PRH1: variants seen among roughly 807,000 people sequenced by gnomAD.
The protein encoded by PRH1 is proline rich protein HaeIII subfamily 1.
Under a neutral mutation model 7.9 loss-of-function variants are expected in PRH1, and 7 were observed. The observed-to-expected ratio is 0.89, with a 90% CI of 0.50 to 1.67. The LOEUF is 1.67. Ranked by LOEUF, PRH1 falls within the 40% of genes most tolerant of loss-of-function variation. The probability of loss-of-function intolerance (pLI) is 0.00; values close to 1 mark genes in which losing one functional copy is unlikely to be tolerated. For missense variants in PRH1, 109 were observed against 223.6 expected (o/e 0.49, Z 3.27); for synonymous variants, 45 against 80.8 (o/e 0.56, Z 2.38).
intron 1 of PRH1, among the ~76,000 whole-genome samples, chr12:11,071,917 G>C (rs1197193965): frequency 2.0e-5 from 3 of 152,122 alleles, no homozygotes; most frequent in Admixed American, 2.0e-4. Flanking sequence ...CTGCTCCAAA[G>C]GTGAAGTGGT....
At chr12:11,134,722 C>G (rs1472506912) in intron 1 of PRH1, 1 of 158,996 alleles carries the variant, frequency 6.3e-6, no homozygotes, top group Non-Finnish European at 1.4e-5. Flanking sequence ...GGAGCTTGAT[C>G]ATAACTAAGA....
At chr12:10,955,627 TC>T (rs1219165814) in intron 2 of PRH1, among the ~76,000 whole-genome samples, 1 of 139,406 alleles carries the variant, frequency 7.2e-6, no homozygotes, top group African/African-American at 2.7e-5. Flanking sequence ...ATACAAAAGG[TC>T]AGTGAATCCA....
intron 1 of PRH1, among the ~76,000 whole-genome samples, chr12:11,067,598 A>C (rs1318730658): frequency 1.3e-5 from 2 of 152,234 alleles, no homozygotes; most frequent in Non-Finnish European, 2.9e-5. Context: ...CTAGTGGCTC[A>C]CATCTGTAAT....
intron 2 of PRH1, among the ~76,000 whole-genome samples, chr12:10,960,252 T>C (rs1222474811): frequency 6.6e-6 from 1 of 152,228 alleles, no homozygotes; most frequent in East Asian, 1.9e-4. Flanking sequence ...TTCTCAGGAC[T>C]GAGCCAATTC....
chr12:11,136,727 T>G (rs1430181669), intron 1 of PRH1, among the ~76,000 whole-genome samples: 1 of 152,176 alleles, frequency 6.6e-6, no homozygotes, highest in East Asian at 1.9e-4. Flanking sequence ...CAACTTAATA[T>G]TTTCAATAAG....
At chr12:11,113,494 G>C (rs1945647907) in intron 1 of PRH1, among the ~76,000 whole-genome samples, 1 of 152,088 alleles carries the variant, frequency 6.6e-6, no homozygotes, top group African/African-American at 2.4e-5. Context: ...AATGGTGTTG[G>C]GCAAACTGGC....
chr12:11,160,860 T>A (rs2136453525), intron 1 of PRH1, among the ~76,000 whole-genome samples: 1 of 152,318 alleles, frequency 6.6e-6, no homozygotes, highest in Non-Finnish European at 1.5e-5. Flanking sequence ...AAAAGTGACA[T>A]AAACAAGCTA....
chr12:10,983,353 T>C (rs1275546511), intron 1 of PRH1, among the ~76,000 whole-genome samples: 6 of 152,224 alleles, frequency 3.9e-5, no homozygotes, highest in African/African-American at 1.4e-4. Context: ...CCAGCCATGA[T>C]TGGAGGGCAT....
At chr12:10,933,774 A>G (rs977360175) in intron 2 of PRH1, among the ~76,000 whole-genome samples, 11 of 152,130 alleles carry the variant, frequency 7.2e-5, no homozygotes, top group Non-Finnish European at 1.0e-4. Context: ...ACCCTGAAAA[A>G]TTATCTAATA....
chr12:11,003,345 T>C (rs1042776576), intron 1 of PRH1, among the ~76,000 whole-genome samples: 4 of 151,552 alleles, frequency 2.6e-5, no homozygotes, highest in Non-Finnish European at 5.9e-5. Context: ...CAATAAAACC[T>C]AAATGCACAG....
At chr12:10,909,980 T>C (rs530390148) in intron 2 of PRH1, among the ~76,000 whole-genome samples, 56 of 152,284 alleles carry the variant, frequency 3.7e-4, no homozygotes, top group African/African-American at 1.3e-3. Flanking sequence ...TGCCTTCACA[T>C]TTTATCCGCT....
intron 1 of PRH1, among the ~76,000 whole-genome samples, chr12:10,975,750 G>GAAA (rs71051551): frequency 1.6e-3 from 234 of 145,190 alleles, no homozygotes; most frequent in African/African-American, 3.3e-3. Context: ...ATAAAAAATA[G>GAAA]AAAAAAAAAA....
rs35700031 is a variant in PRH1 at position 11,161,390 on chromosome 12, T to C, written n.39+10032A>G. ...GGAGAATTTGTTTAGAGGATTTGGA[T>C]AGTGAAGGAACAGATCTTGGAGACT... On this transcript the variant is annotated intron_variant and non_coding_transcript_variant, in intron 1 of 1. Transcript: ENST00000541175. 4.3e-3 allele frequency among the ~76,000 whole-genome samples: 662 copies of C among 152,322 alleles called. 5 individuals carry two copies. The highest frequency in any genetic ancestry group is 0.015 in the African/African-American group (635 of 41,560).
intron 1 of PRH1, among the ~76,000 whole-genome samples, chr12:11,014,627 C>G (rs10845289): frequency 6.6e-6 from 1 of 151,978 alleles, no homozygotes; most frequent in Non-Finnish European, 1.5e-5. Context: ...AACCTGTTGT[C>G]AGGACTGAGC....
intron 1 of PRH1, among the ~76,000 whole-genome samples, chr12:11,168,256 GAAA>G (rs1565725170): frequency 0.01 from 316 of 30,362 alleles, 68 homozygotes; most frequent in Middle Eastern, 0.026. Flanking sequence ...AAGAAAGAAA[GAAA>G]GAAAGAAAGA....
In PRH1 at chr12:11,010,044, T is replaced by A. The variant is rs188215759; in HGVS notation, c.-125-36323A>T. Among the ~76,000 whole-genome samples, 27 of 152,054 alleles carry A rather than the reference T, an allele frequency of 1.8e-4. No homozygotes were observed. In the East Asian group the frequency reaches 5.2e-3, roughly 29 times the overall value. On this transcript the variant is annotated intron_variant, in intron 1 of 3. Coordinates refer to the PRH1 transcript ENST00000539853. ...TTTAATTGCCTTTCTAATTAAGGAATTTTATTTACACTAAAATCAAACTCT... is the reference window on the plus strand; with the variant it reads ...TTTAATTGCCTTTCTAATTAAGGAAATTTATTTACACTAAAATCAAACTCT...
chr12:10,885,849 C>G (rs186719982), upstream of PRH1, among the ~76,000 whole-genome samples: 3 of 152,310 alleles, frequency 2.0e-5, no homozygotes, highest in East Asian at 5.8e-4. Flanking sequence ...AGGCCCTAGA[C>G]AGGTGTGCAT....
At position 10,972,483 on chromosome 12, in the gene PRH1, GTTCT is replaced by G. The variant is rs71051550; in HGVS notation, c.-59+1168_-59+1171del. 2.6e-3 allele frequency among the ~76,000 whole-genome samples: 394 copies of G among 152,178 alleles called. 1 individual carries two copies. The highest frequency in any genetic ancestry group is 3.8e-3 in the Non-Finnish European group (261 of 67,994). On this transcript the variant is annotated intron_variant, in intron 2 of 3. Transcript: ENST00000539853. ...TCAAGTTAACTACTATTCATACACT[GTTCT>G]TTCTATTTTTTCTTTTGAAAAAATT...
At chr12:11,102,061 A>G (rs1461099883) in intron 1 of PRH1, among the ~76,000 whole-genome samples, 1 of 152,186 alleles carries the variant, frequency 6.6e-6, no homozygotes, top group East Asian at 1.9e-4. Context: ...CAAATGGAAG[A>G]ACATTCCATG....
Sources: allele counts gnomAD v4.1 joint callset (sites outside exome capture counted in the v4.1 genomes callset), GRCh38; gene constraint gnomAD v4.1.1; transcripts MANE v1.5; gene names NCBI Gene and HGNC (gene_info 2026-07-23, HGNC 2026-07-21).